OBI1: variants seen among roughly 807,000 people sequenced by gnomAD.
OBI1 encodes ORC ubiquitin ligase 1.
A neutral mutation model predicts 62.4 loss-of-function variants in OBI1; 59 were observed. The observed-to-expected ratio is 0.95, with a 90% confidence interval of 0.77 to 1.17. The LOEUF is 1.17. Among genes scored for constraint, OBI1 ranks in the 50% most tolerant of loss-of-function variants. OBI1 has a pLI of 0.00. For synonymous variants in OBI1, 302 were observed against 292.8 expected, an observed-to-expected ratio of 1.03 and a Z score of -0.32; for missense variants, 875 against 830.9, an observed-to-expected ratio of 1.05 and a Z score of -0.65.
Position 78,616,688 on chromosome 13 carries a change from G to A in OBI1, c.1073C>T (p.Thr358Ile), listed in dbSNP as rs1335289205. The A allele has an allele frequency of 1.2e-6, 2 of 1,614,110 alleles. No homozygotes were observed. Among genetic ancestry groups the A allele is most frequent in the Non-Finnish European group, 1.7e-6 (2 of 1,179,964 alleles). Reference sequence around the variant, plus strand: ...TCTTTCCAAATAAGTATCCATACTTGTATCTGTCACATCTAACATTACTTC... The same window carrying A: ...TCTTTCCAAATAAGTATCCATACTTATATCTGTCACATCTAACATTACTTC... ...QVEVMLDVTDTSMDTYLEREW... is the reference protein window; with the variant it reads ...QVEVMLDVTDISMDTYLEREW... The change falls in exon 6 of 6, where the codon ACA (threonine) becomes ATA (isoleucine). Residue 358 changes from threonine (T) to isoleucine (I), a missense_variant. Transcript: ENST00000282003.
chr13:78,648,972 ATAT>A (rs1934743374), intron 1 of OBI1, among the ~76,000 whole-genome samples: 1 of 152,182 alleles, frequency 6.6e-6, no homozygotes, highest in African/African-American at 2.4e-5. Flanking sequence ...CAAAGGTTAA[ATAT>A]TATCTCCCCA....
At chr13:78,647,178 G>C (rs1231884634) in intron 1 of OBI1, among the ~76,000 whole-genome samples, 2 of 152,240 alleles carry the variant, frequency 1.3e-5, no homozygotes, top group Non-Finnish European at 2.9e-5. Context: ...GGCCTCATGA[G>C]ATGGAAAAGA....
chr13:78,648,386 G>T (rs371609188), intron 1 of OBI1, among the ~76,000 whole-genome samples: 59 of 151,592 alleles, frequency 3.9e-4, no homozygotes, highest in African/African-American at 1.3e-3. Context: ...AAAAAAGGAA[G>T]TTATCTACTG....
intron 5 of OBI1, chr13:78,620,534 C>A: frequency 4.5e-6 from 2 of 443,728 alleles, no homozygotes; most frequent in African/African-American, 2.0e-5. Flanking sequence ...CAATTGATAT[C>A]GGAACTGTAT....
Position 78,617,142 on chromosome 13 carries a change from A to G in OBI1, c.639-20T>C. On this transcript the variant is annotated intron_variant, in intron 5 of 5. Coordinates refer to ENST00000282003, the MANE Select transcript of OBI1 (RefSeq NM_024546.4). Reference sequence around the variant, plus strand: ...CCAAACCTACAAAGAATGGAAAGATAGTTAATCTTATAACTCAAGCTTTTT... The same window carrying G: ...CCAAACCTACAAAGAATGGAAAGATGGTTAATCTTATAACTCAAGCTTTTT... The G allele has an allele frequency of 1.3e-6, 2 of 1,509,678 alleles. No individual in the cohort carries two copies. 93.5% of individuals were successfully genotyped at this position (1,509,678 alleles called of 1,614,324 possible).
intron 4 of OBI1, among the ~76,000 whole-genome samples, chr13:78,638,027 A>C (rs958039428): frequency 2.6e-5 from 4 of 152,222 alleles, no homozygotes; most frequent in African/African-American, 7.2e-5. Flanking sequence ...AAATGCAAAT[A>C]GTTGAATATG....
chr13:78,639,185 T>C (rs936244273), intron 3 of OBI1, 114 bp from the exon 4 acceptor site: 45 of 1,054,924 alleles, frequency 4.3e-5, no homozygotes, highest in Admixed American at 5.5e-5. Flanking sequence ...TGTAGATACA[T>C]AGATTCTTTA....
rs1875259606 is a variant in OBI1 at position 78,615,911 on chromosome 13, GGA to G, written c.1848_1849del (p.Pro617IlefsTer2). ...ATCTTCATTCATTTCTTGGTCAGAT[GGA>G]GAGAGGAGAAAAAAAGAAGTGGGTT... On this transcript the variant is annotated frameshift_variant, in exon 6 of 6. Coordinates refer to ENST00000282003, the MANE Select transcript of OBI1 (RefSeq NM_024546.4). LOFTEE classifies it high-confidence loss of function. 2 of 1,613,840 alleles carry G rather than the reference GGA, an allele frequency of 1.2e-6. No homozygotes were observed. The highest frequency in any genetic ancestry group is 1.3e-5 in the African/African-American group (1 of 74,904).
rs1875288076 is a variant in OBI1 at position 78,616,371 on chromosome 13, T to C, written c.1390A>G (p.Thr464Ala). The change falls in exon 6 of 6, where the codon ACA becomes GCA. Residue 464 changes from threonine (T) to alanine (A), a missense_variant. Physicochemically the swap from Thr to Ala is moderately conservative, Grantham distance 58. Coordinates refer to ENST00000282003, the MANE Select transcript of OBI1 (RefSeq NM_024546.4). ...GTGGAACAACAGTCCCAAAATCCTG[T>C]CTTTGGGGAAGAAAAACATTCTGAT... ...KKSECFSSPK[T>A]GFWDCCSTSY... is the part of the protein sequence containing the mutation. The C allele has an allele frequency of 6.2e-7, 1 of 1,613,570 alleles. No individual in the cohort carries two copies. Among genetic ancestry groups the C allele is most frequent in the African/African-American group, 1.3e-5 (1 of 74,924 alleles).
chr13:78,659,126 C>T lies in OBI1; in HGVS notation c.-6G>A. 6.2e-7 allele frequency: 1 copy of T among 1,609,250 alleles called. No individual in the cohort carries two copies. Among genetic ancestry groups the T allele is most frequent in the Non-Finnish European group, 8.5e-7 (1 of 1,177,946 alleles). Reference sequence around the variant, plus strand: ...TTCTGCACGGTCTGAGCCATGGCAGCGTTCAGAATCCCGCCAACACGGAAG... The same window carrying T: ...TTCTGCACGGTCTGAGCCATGGCAGTGTTCAGAATCCCGCCAACACGGAAG... On this transcript the variant is annotated 5_prime_UTR_variant, in exon 1 of 6. Coordinates refer to ENST00000282003, the MANE Select transcript of OBI1 (RefSeq NM_024546.4).
intron 3 of OBI1, among the ~76,000 whole-genome samples, chr13:78,641,246 CTACT>C (rs1481491241): frequency 2.0e-5 from 3 of 152,048 alleles, no homozygotes; most frequent in African/African-American, 4.8e-5. Context: ...ACAGATAGTA[CTACT>C]TACTATTTTA....
intron 5 of OBI1, among the ~76,000 whole-genome samples, chr13:78,618,322 G>C (rs1411258317): frequency 6.6e-6 from 1 of 151,338 alleles, no homozygotes; most frequent in Non-Finnish European, 1.5e-5. Context: ...TTTATCTTTG[G>C]GTTTATCTTT....
intron 2 of OBI1, among the ~76,000 whole-genome samples, chr13:78,642,873 C>G (rs1261614752): frequency 1.4e-5 from 2 of 147,008 alleles, no homozygotes; most frequent in Admixed American, 6.7e-5. Flanking sequence ...GGCGACAAAG[C>G]GAGACTCCGT....
chr13:78,631,939 T>C (rs11617161), intron 5 of OBI1, among the ~76,000 whole-genome samples: 2,641 of 152,258 alleles, frequency 0.017, 34 homozygotes, highest in Middle Eastern at 0.031. Flanking sequence ...TTTTATACAA[T>C]ACCATGTTCT....
chr13:78,621,030 T>G (rs528589508), intron 5 of OBI1, among the ~76,000 whole-genome samples: 1 of 152,110 alleles, frequency 6.6e-6, no homozygotes, highest in Non-Finnish European at 1.5e-5. Context: ...AAGGGGGACA[T>G]TGGGGAAGTC....
chr13:78,632,227 T>C (rs2137443403), intron 5 of OBI1, among the ~76,000 whole-genome samples: 1 of 152,166 alleles, frequency 6.6e-6, no homozygotes, highest in South Asian at 2.1e-4. Context: ...CCCAACCATA[T>C]AAAGACATAA....
At chr13:78,630,593 G>A (rs1175340775) in intron 5 of OBI1, among the ~76,000 whole-genome samples, 1 of 152,046 alleles carries the variant, frequency 6.6e-6, no homozygotes, top group Non-Finnish European at 1.5e-5. Flanking sequence ...GGGGCCTATA[G>A]GTCAAAAGGT....
intron 1 of OBI1, among the ~76,000 whole-genome samples, chr13:78,656,592 GA>G (rs202031611): frequency 5.0e-5 from 7 of 141,158 alleles, no homozygotes; most frequent in Admixed American, 7.1e-5. Context: ...CAGAAAAAAA[GA>G]AAAAAAAAAG....
chr13:78,642,343 G>A, intron 2 of OBI1, 130 bp from the exon 3 acceptor site: 1 of 576,554 alleles, frequency 1.7e-6, no homozygotes, highest in African/African-American at 1.9e-5. Context: ...ACACACTTGG[G>A]GCTTACATCT....
Sources: allele counts gnomAD v4.1 joint callset (sites outside exome capture counted in the v4.1 genomes callset), GRCh38; gene constraint gnomAD v4.1.1; transcripts MANE v1.5; gene names NCBI Gene and HGNC (gene_info 2026-07-23, HGNC 2026-07-21).